Variants in SUGCT observed in about 807,000 individuals in gnomAD.
SUGCT encodes succinyl-CoA:glutarate CoA-transferase.
SUGCT carries 41 observed loss-of-function variants against 55.0 expected under a neutral mutation model. The observed-to-expected ratio is 0.74, with a 90% CI of 0.58 to 0.97. The LOEUF is 0.97. Ranked by LOEUF, SUGCT falls within the 50% of genes least tolerant of loss-of-function variation. SUGCT has a pLI of 0.00. For missense variants in SUGCT, 568 were observed against 547.8 expected (o/e 1.04, Z -0.37); for synonymous variants, 187 against 200.4 (o/e 0.93, Z 0.56).
intron 11 of SUGCT, among the ~76,000 whole-genome samples, chr7:40,468,105 T>A (rs550017811): frequency 6.6e-6 from 1 of 152,270 alleles, no homozygotes; most frequent in Admixed American, 6.5e-5. Context: ...TGCACTTGTG[T>A]CTGTACTTTC....
chr7:40,604,157 G>C (rs1360515315), intron 12 of SUGCT, among the ~76,000 whole-genome samples: 1 of 151,868 alleles, frequency 6.6e-6, no homozygotes, highest in Non-Finnish European at 1.5e-5. Context: ...TTTGAAGGAA[G>C]AAAAAAAGTA....
chr7:40,186,530 A>T (rs1321009450), intron 3 of SUGCT, among the ~76,000 whole-genome samples: 2 of 152,080 alleles, frequency 1.3e-5, no homozygotes, highest in African/African-American at 4.8e-5. Flanking sequence ...AAGTGTTGGG[A>T]TTACCAGCAT....
chr7:40,373,233 G>A (rs992928993), intron 9 of SUGCT, among the ~76,000 whole-genome samples: 11 of 106,330 alleles, frequency 1.0e-4, no homozygotes, highest in Non-Finnish European at 2.2e-4. Context: ...TAGAAATAAT[G>A]CCTATTTAAT....
intron 9 of SUGCT, among the ~76,000 whole-genome samples, chr7:40,328,526 G>C (rs1249698207): frequency 1.3e-5 from 2 of 152,120 alleles, no homozygotes; most frequent in East Asian, 1.9e-4. Flanking sequence ...GGCCTAAGGA[G>C]GGGGATAGCC....
chr7:40,310,086 A>T (rs1428751023), intron 8 of SUGCT, among the ~76,000 whole-genome samples: 2 of 152,160 alleles, frequency 1.3e-5, no homozygotes, highest in African/African-American at 4.8e-5. Context: ...TACTGTATGG[A>T]AAGGGGGAGG....
chr7:40,411,383 A>G (rs1786681632), intron 9 of SUGCT, among the ~76,000 whole-genome samples: 1 of 152,240 alleles, frequency 6.6e-6, no homozygotes, highest in Admixed American at 6.5e-5. Flanking sequence ...ATAGAGTGAG[A>G]CTGTGTCTCA....
intron 13 of SUGCT, among the ~76,000 whole-genome samples, chr7:40,857,867 A>G (rs1262995628): frequency 6.6e-6 from 1 of 152,166 alleles, no homozygotes; most frequent in African/African-American, 2.4e-5. Flanking sequence ...TGATCACTTT[A>G]AAATGGTTAA....
intron 7 of SUGCT, among the ~76,000 whole-genome samples, chr7:40,270,869 T>C (rs1262076440): frequency 6.8e-6 from 1 of 147,258 alleles, no homozygotes; most frequent in Non-Finnish European, 1.5e-5. Flanking sequence ...CTTAATTTCT[T>C]TCAACAATAT....
rs545764957 is a variant in SUGCT, at chr7:40,712,970, A to G, written c.1090-36464A>G. The stretch of plus-strand genomic sequence containing the variant: ...TCTAAAATGTATTTCTTACATTCAC[A>G]TGGTGGAATAGCAAAATCTCTGAAC... On this transcript the variant is annotated intron_variant, in intron 12 of 13. Coordinates refer to ENST00000335693, the MANE Select transcript of SUGCT (RefSeq NM_001193313.2). 5.3e-5 allele frequency among the ~76,000 whole-genome samples: 8 copies of G among 152,328 alleles called. No individual in the cohort carries two copies. The East Asian group carries it at 1.3e-3, about 26-fold the overall frequency.
intron 12 of SUGCT, among the ~76,000 whole-genome samples, chr7:40,655,365 AGT>A (rs1422550425): frequency 6.6e-6 from 1 of 152,186 alleles, no homozygotes. Context: ...TCCATTCACT[AGT>A]GTTAATGTGC....
intron 8 of SUGCT, among the ~76,000 whole-genome samples, chr7:40,275,999 G>A (rs191573422): frequency 6.6e-6 from 1 of 152,106 alleles, no homozygotes; most frequent in Admixed American, 6.6e-5. Context: ...ACCCCAGTTG[G>A]GAATTTCAGA....
the SUGCT span, among the ~76,000 whole-genome samples, chr7:40,959,863 A>G: frequency 2.0e-5 from 3 of 152,176 alleles, no homozygotes; most frequent in South Asian, 4.1e-4. Flanking sequence ...AAAGCATAGT[A>G]TCTGGGCCAG....
the SUGCT span, among the ~76,000 whole-genome samples, chr7:41,031,322 C>T: frequency 6.6e-6 from 1 of 152,088 alleles, no homozygotes; most frequent in Non-Finnish European, 1.5e-5. Flanking sequence ...GGTCTGGGCT[C>T]TCTGATTTAT....
chr7:40,939,898 A>T, the SUGCT span, among the ~76,000 whole-genome samples: 1 of 151,682 alleles, frequency 6.6e-6, no homozygotes, highest in Non-Finnish European at 1.5e-5. Flanking sequence ...GGTTTTATGT[A>T]TTTTTTTTCT....
intron 12 of SUGCT, among the ~76,000 whole-genome samples, chr7:40,729,523 G>C (rs1051312386): frequency 6.6e-6 from 1 of 152,212 alleles, no homozygotes; most frequent in South Asian, 2.1e-4. Context: ...GTGGTGGTGA[G>C]TGGAAGCATA....
At chr7:40,176,048 A>G (rs1279202556) in intron 1 of SUGCT, among the ~76,000 whole-genome samples, 1 of 152,242 alleles carries the variant, frequency 6.6e-6, no homozygotes, top group East Asian at 1.9e-4. Flanking sequence ...CCTGGCCAAC[A>G]TGGCGAAACC....
chr7:40,720,868 A>AT lies in SUGCT; in HGVS notation c.1090-28562dup, dbSNP rs201717131. On this transcript the variant is annotated intron_variant, in intron 12 of 13. Coordinates refer to ENST00000335693, the MANE Select transcript of SUGCT (RefSeq NM_001193313.2). ...AGCTTTACAGCATGTTACATGGAAG[A>AT]TTTTAAAACACTGAGCTGTATTTTT... Among the ~76,000 whole-genome samples, 644 of 152,316 alleles carry AT rather than the reference A, an allele frequency of 4.2e-3. 3 individuals are homozygous for AT. Among genetic ancestry groups the AT allele is most frequent in the African/African-American group, 0.015 (613 of 41,574 alleles).
intron 9 of SUGCT, among the ~76,000 whole-genome samples, chr7:40,332,629 G>A (rs1796385059): frequency 6.6e-6 from 1 of 152,054 alleles, no homozygotes; most frequent in South Asian, 2.1e-4. Context: ...GAAGCTGGGA[G>A]GCAGGGAACA....
intron 12 of SUGCT, among the ~76,000 whole-genome samples, chr7:40,575,115 G>A (rs1361069718): frequency 6.8e-6 from 1 of 147,672 alleles, no homozygotes; most frequent in African/African-American, 2.6e-5. Context: ...GGGCAGGAGG[G>A]TGGCGGGGGT....
Sources: allele counts gnomAD v4.1 joint callset (sites outside exome capture counted in the v4.1 genomes callset), GRCh38; gene constraint gnomAD v4.1.1; transcripts MANE v1.5; gene names NCBI Gene and HGNC (gene_info 2026-07-23, HGNC 2026-07-21).